CCDC83: variants seen among roughly 807,000 people sequenced by gnomAD.
CCDC83 encodes coiled-coil domain containing 83, also known as coiled-coil domain-containing protein 83.
Under a neutral mutation model 50.1 loss-of-function variants are expected in CCDC83, and 54 were observed. The observed-to-expected ratio is 1.08, with a 90% confidence interval of 0.87 to 1.35. CCDC83 has a LOEUF of 1.35. Ranked by LOEUF, CCDC83 falls within the 40% of genes most tolerant of loss-of-function variation. The probability of loss-of-function intolerance (pLI) is 0.00; values close to 1 mark genes in which losing one functional copy is unlikely to be tolerated. For missense variants in CCDC83, 518 were observed against 473.9 expected, an observed-to-expected ratio of 1.09 and a Z score of -0.86; for synonymous variants, 161 against 153.3, an observed-to-expected ratio of 1.05 and a Z score of -0.37.
intron 5 of CCDC83, among the ~76,000 whole-genome samples, chr11:85,889,749 CGTTA>C (rs1190322458): frequency 1.3e-5 from 2 of 152,132 alleles, no homozygotes; most frequent in African/African-American, 2.4e-5. Flanking sequence ...ATGGGGTTTG[CGTTA>C]GTTAGGCTGC....
At chr11:85,857,356 T>C (rs1037976518) in intron 1 of CCDC83, among the ~76,000 whole-genome samples, 2 of 152,212 alleles carry the variant, frequency 1.3e-5, no homozygotes, top group African/African-American at 2.4e-5. Flanking sequence ...GCAGCTGCCA[T>C]TGCCAAGGCT....
intron 8 of CCDC83, among the ~76,000 whole-genome samples, chr11:85,914,345 A>T (rs970983492): frequency 4.6e-5 from 7 of 152,210 alleles, no homozygotes; most frequent in African/African-American, 1.7e-4. Context: ...TGGAAATGCC[A>T]TACAGAGTTT....
At chr11:85,879,062 T>A (rs953197014) in intron 3 of CCDC83, among the ~76,000 whole-genome samples, 1 of 152,186 alleles carries the variant, frequency 6.6e-6, no homozygotes, top group Non-Finnish European at 1.5e-5. Context: ...TTGCAAATAT[T>A]TTCTCCTAGT....
chr11:85,883,961 G>C (rs187750154), intron 4 of CCDC83, among the ~76,000 whole-genome samples: 144 of 152,304 alleles, frequency 9.5e-4, no homozygotes, highest in African/African-American at 3.3e-3. Context: ...ATGGTAGATA[G>C]TATATTTTGC....
At chr11:85,876,402 G>A (rs1240393174) in intron 3 of CCDC83, among the ~76,000 whole-genome samples, 1 of 152,118 alleles carries the variant, frequency 6.6e-6, no homozygotes, top group African/African-American at 2.4e-5. Context: ...TCACTTTCCT[G>A]GATTTGATAA....
rs936581325 is a variant in CCDC83 at position 85,873,385 on chromosome 11, G to C, written c.180+90G>C. The C allele has an allele frequency of 2.8e-5, 14 of 497,402 alleles. No homozygotes were observed. The Admixed American group carries it at 4.9e-4, about 17-fold the overall frequency. The allele number at this position is 497,402 out of a possible 1,614,324, so 30.8% of individuals were successfully genotyped here. A position where few individuals can be genotyped will look rare whatever the true frequency, so the allele number is the denominator to read the frequency against. The stretch of plus-strand genomic sequence containing the variant: ...GTGGATTATGGTGAAATATACTCTA[G>C]GAAATTATCTTCTTCAAAGCTTGGA... On this transcript the variant is annotated intron_variant, in intron 3 of 10. Coordinates refer to ENST00000342404, the MANE Select transcript of CCDC83 (RefSeq NM_001286159.2).
At chr11:85,916,367 C>A in intron 10 of CCDC83, 134 bp downstream of exon 10, 1 of 713,896 alleles carries the variant, frequency 1.4e-6, no homozygotes, top group Non-Finnish European at 2.4e-6. Context: ...ATTGGCCCAC[C>A]ATTCACATCT....
chr11:85,873,289 T>G lies in CCDC83; in HGVS notation c.174T>G (p.His58Gln), dbSNP rs771297572. ...TTAGGAAAAAGAACCAAAAATATCATGAAAGAGTGAGTATAAAATTTAGAA... is the reference window on the plus strand; with the variant it reads ...TTAGGAAAAAGAACCAAAAATATCAGGAAAGAGTGAGTATAAAATTTAGAA... Reference protein sequence around the residue: ...KTLRKKNQKYHERNSRLKEEQ... With the variant: ...KTLRKKNQKYQERNSRLKEEQ... Residue 58 changes from histidine to glutamine, a missense_variant, in exon 3 of 11, where the codon CAT becomes CAG. His to Gln is a conservative substitution (Grantham distance 24). Transcript: ENST00000342404. The G allele has an allele frequency of 7.1e-7, 1 of 1,407,780 alleles. No individual in the cohort carries two copies. The highest frequency in any genetic ancestry group is 9.8e-7 in the Non-Finnish European group (1 of 1,018,484). 87.2% of individuals were successfully genotyped at this position (1,407,780 alleles called of 1,614,324 possible).
intron 5 of CCDC83, among the ~76,000 whole-genome samples, chr11:85,891,247 G>T (rs17148561): frequency 0.016 from 2,461 of 152,202 alleles, 84 homozygotes; most frequent in African/African-American, 0.056. Flanking sequence ...AATGGCCTTT[G>T]TCCATACCAC....
In CCDC83 at chr11:85,919,446, T is replaced by C. The variant is rs200728499; in HGVS notation, c.1178T>C (p.Leu393Pro). 6.2e-7 allele frequency: 1 copy of C among 1,613,048 alleles called. No individual in the cohort carries two copies. Among genetic ancestry groups the C allele is most frequent in the Non-Finnish European group, 8.5e-7 (1 of 1,179,246 alleles). Residue 393 changes from leucine to proline, a missense_variant, in exon 11 of 11, where the codon CTC (leucine) becomes CCC (proline). Leu to Pro is a moderately conservative substitution (Grantham distance 98, BLOSUM62 -3). Transcript: ENST00000342404. ...CAAGAGAAGGAAATTCCAGTCAAAC[T>C]CTATAAAGATGTCAGGAGCCCAGAA... ...HFQEKEIPVK[L>P]YKDVRSPESH...
chr11:85,915,349 A>G, intron 8 of CCDC83, 70 bp from the exon 9 acceptor site: 3 of 1,067,428 alleles, frequency 2.8e-6, no homozygotes. Context: ...TAGTAGAGAG[A>G]TAGACCCTAG....
At chr11:85,902,857 G>A (rs974301738) in intron 7 of CCDC83, among the ~76,000 whole-genome samples, 2 of 152,156 alleles carry the variant, frequency 1.3e-5, no homozygotes, top group African/African-American at 4.8e-5. Flanking sequence ...ATGGGTTATA[G>A]CATGTTTATA....
intron 5 of CCDC83, among the ~76,000 whole-genome samples, chr11:85,892,311 G>A (rs905961731): frequency 3.9e-5 from 6 of 152,152 alleles, no homozygotes; most frequent in African/African-American, 7.2e-5. Context: ...GAGCTTTTAC[G>A]AGGAGACTTT....
intron 3 of CCDC83, among the ~76,000 whole-genome samples, chr11:85,882,007 C>A (rs1180841648): frequency 6.6e-6 from 1 of 152,034 alleles, no homozygotes; most frequent in East Asian, 1.9e-4. Flanking sequence ...CTCTAATACT[C>A]CAGTAACATG....
chr11:85,911,199 A>G (rs1404961681), intron 7 of CCDC83, 82 bp from the exon 8 acceptor site: 3 of 1,213,304 alleles, frequency 2.5e-6, no homozygotes, highest in South Asian at 2.3e-5. Context: ...AAAAGAAAGA[A>G]AAAAGAAAAA....
At position 85,913,558 on chromosome 11, in the gene CCDC83, A is replaced by T. The variant is rs193186234; in HGVS notation, c.795-1861A>T. On this transcript the variant is annotated intron_variant, in intron 8 of 10. Transcript: ENST00000342404. ...TGAGAATTAAGTTTTGTAAAATACT[A>T]GTAGGGTGATAAGAAATAGACATGA... Among the ~76,000 whole-genome samples, 195 of 152,330 alleles carry T rather than the reference A, an allele frequency of 1.3e-3. 1 individual carries two copies. The highest frequency in any genetic ancestry group is 4.5e-3 in the African/African-American group (189 of 41,562).
chr11:85,855,742 G>A (rs1398709855), intron 1 of CCDC83, among the ~76,000 whole-genome samples, 158 bp downstream of exon 1: 1 of 152,172 alleles, frequency 6.6e-6, no homozygotes, highest in East Asian at 1.9e-4. Flanking sequence ...ACAGATGGAG[G>A]AGGAAACAGG....
chr11:85,911,494 T>A, intron 8 of CCDC83, 92 bp downstream of exon 8: 1 of 1,092,272 alleles, frequency 9.2e-7, no homozygotes, highest in Non-Finnish European at 1.3e-6. Context: ...ATGATTTAAT[T>A]ATTCAGTGCT....
Position 85,919,480 on chromosome 11 carries a change from C to T in CCDC83, c.1212C>T (p.Ile404=). 1.2e-6 allele frequency: 2 copies of T among 1,611,232 alleles called. No homozygotes were observed. The highest frequency in any genetic ancestry group is 1.7e-6 in the Non-Finnish European group (2 of 1,178,598). Residue 404 remains isoleucine (I), a synonymous_variant, in exon 11 of 11, where the codon ATC becomes ATT. Transcript: ENST00000342404. The stretch of plus-strand genomic sequence containing the variant: ...ATGTCAGGAGCCCAGAAAGCCACAT[C>T]ACATATAAGATGATGAAGTCTTTTC... ...YKDVRSPESH[I]TYKMMKSFL is the part of the protein sequence containing the mutation.
Sources: gnomAD v4.1 joint callset for allele counts (sites outside exome capture counted in the v4.1 genomes callset) on GRCh38, gnomAD v4.1.1 for gene constraint, MANE v1.5 for transcripts, NCBI Gene and HGNC (gene_info 2026-07-23, HGNC 2026-07-21) for gene names.